POU6F2: variants seen among roughly 807,000 people sequenced by gnomAD.
The protein encoded by POU6F2 is POU class 6 homeobox 2.
Under a neutral mutation model 71.3 loss-of-function variants are expected in POU6F2, and 31 were observed. That is an observed-to-expected ratio of 0.43 (90% confidence interval 0.33 to 0.59). The LOEUF is 0.59. Among genes scored for constraint, POU6F2 ranks in the 20% least tolerant of loss-of-function variants. The pLI, the probability that POU6F2 is intolerant of heterozygous loss-of-function variation, is 0.04. For synonymous variants in POU6F2, 347 were observed against 355.7 expected (o/e 0.98, Z 0.27); for missense variants, 783 against 856.8 (o/e 0.91, Z 1.07).
chr7:39,048,415 A>G (rs1374988900), intron 1 of POU6F2, among the ~76,000 whole-genome samples: 1 of 151,212 alleles, frequency 6.6e-6, no homozygotes, highest in African/African-American at 2.4e-5. Flanking sequence ...CTTTGTGTCT[A>G]TGTGTTCTAA....
At chr7:39,326,328 T>A (rs1583526154) in intron 4 of POU6F2, among the ~76,000 whole-genome samples, 1 of 152,216 alleles carries the variant, frequency 6.6e-6, no homozygotes, top group East Asian at 1.9e-4. Context: ...CCAAGGAGAG[T>A]CCCATTGTTT....
intron 5 of POU6F2, among the ~76,000 whole-genome samples, chr7:39,404,315 A>G (rs777234731): frequency 9.2e-5 from 14 of 152,228 alleles, no homozygotes; most frequent in African/African-American, 1.7e-4. Context: ...GCATGGGACT[A>G]TATCTGAACA....
Position 39,464,337 on chromosome 7 carries a change from C to T in POU6F2, c.1814C>T (p.Pro605Leu), listed in dbSNP as rs764000404. Residue 605 changes from proline (P) to leucine (L), a missense_variant, in exon 10 of 10, where the codon CCG becomes CTG. By Grantham distance (98) the Pro-to-Leu change is moderately conservative. Transcript: ENST00000518318. This position sits in a 1 kb window ranked among gnomAD's most constrained non-coding sequence, Gnocchi z 4.1. ...ITPKSAQKIK[P>L]VLERWMAEAE... ...CCTAAAAGTGCCCAGAAGATCAAGC[C>T]GGTGCTTGAGCGGTGGATGGCTGAG... is the stretch of plus-strand genomic sequence containing the variant. 6 of 1,614,032 alleles carry T rather than the reference C, an allele frequency of 3.7e-6. No homozygotes were observed. The highest frequency in any genetic ancestry group is 2.2e-5 in the East Asian group (1 of 44,888).
At chr7:39,209,408 T>G (rs1232935209) in intron 4 of POU6F2, among the ~76,000 whole-genome samples, 5 of 152,214 alleles carry the variant, frequency 3.3e-5, no homozygotes, top group African/African-American at 1.2e-4. Context: ...AGCTCTTGTC[T>G]GCTACACAAG....
intron 8 of POU6F2, among the ~76,000 whole-genome samples, chr7:39,452,044 A>C (rs1674976979): frequency 1.3e-5 from 2 of 152,232 alleles, no homozygotes; most frequent in South Asian, 2.1e-4. Flanking sequence ...TCACAACTGA[A>C]ATAACCAACA....
At chr7:39,094,360 A>G (rs949500156) in intron 2 of POU6F2, among the ~76,000 whole-genome samples, 26 of 152,172 alleles carry the variant, frequency 1.7e-4, no homozygotes, top group African/African-American at 5.5e-4. Flanking sequence ...GGGAATCTAA[A>G]TATTTGTCTA....
At chr7:39,384,940 A>G (rs761864456) in intron 5 of POU6F2, among the ~76,000 whole-genome samples, 5 of 152,212 alleles carry the variant, frequency 3.3e-5, no homozygotes, top group Admixed American at 6.5e-5. Flanking sequence ...ATAAATTTTG[A>G]TCAAATAATA....
At chr7:39,136,674 G>A (rs1271637314) in intron 2 of POU6F2, among the ~76,000 whole-genome samples, 1 of 152,116 alleles carries the variant, frequency 6.6e-6, no homozygotes, top group Non-Finnish European at 1.5e-5. Flanking sequence ...TTAGAAGGAT[G>A]TAATCCATAG....
At chr7:39,269,650 T>C (rs1784308832) in intron 4 of POU6F2, among the ~76,000 whole-genome samples, 2 of 152,222 alleles carry the variant, frequency 1.3e-5, no homozygotes, top group Admixed American at 1.3e-4. Flanking sequence ...TTTTTAGAGT[T>C]TGAGGCAGGA....
At chr7:39,330,536 T>C (rs1785620908) in intron 4 of POU6F2, among the ~76,000 whole-genome samples, 1 of 152,218 alleles carries the variant, frequency 6.6e-6, no homozygotes, top group African/African-American at 2.4e-5. Context: ...GACTTTAATA[T>C]GGCTACCTTA....
chr7:39,429,119 A>C (rs1405580561), intron 6 of POU6F2, among the ~76,000 whole-genome samples: 9 of 4,762 alleles, frequency 1.9e-3, no homozygotes, highest in Non-Finnish European at 2.8e-3. Flanking sequence ...TAATAATAAT[A>C]AAAAAAAAAA....
chr7:39,115,436 C>T (rs1791909069), intron 2 of POU6F2, among the ~76,000 whole-genome samples: 2 of 152,156 alleles, frequency 1.3e-5, no homozygotes, highest in Admixed American at 1.3e-4. Flanking sequence ...ACAAGGTTGA[C>T]TTCTCTCAGG....
At chr7:39,328,888 T>C (rs1785577506) in intron 4 of POU6F2, 1 of 152,262 alleles carries the variant, frequency 6.6e-6, no homozygotes, top group African/African-American at 2.4e-5. Flanking sequence ...GCTTCTGTGA[T>C]GCCGTCTTTC....
chr7:39,002,837 C>A (rs1173470064), intron 1 of POU6F2, among the ~76,000 whole-genome samples: 1 of 152,214 alleles, frequency 6.6e-6, no homozygotes, highest in African/African-American at 2.4e-5. Flanking sequence ...TCCTCTCTTC[C>A]TTTTCCTCCC....
At chr7:39,342,663 T>C (rs1055767635) in intron 5 of POU6F2, among the ~76,000 whole-genome samples, 4 of 152,198 alleles carry the variant, frequency 2.6e-5, no homozygotes, top group African/African-American at 9.7e-5. Context: ...TGCTCCCATA[T>C]CTTTAGAAAA....
intron 1 of POU6F2, among the ~76,000 whole-genome samples, chr7:38,986,886 A>G (rs146926295): frequency 1.1e-4 from 16 of 152,284 alleles, no homozygotes; most frequent in African/African-American, 3.1e-4. Context: ...TTACTTTTAC[A>G]TATAAAAAAT....
chr7:39,345,885 A>C lies in POU6F2; in HGVS notation c.972+5870A>C, dbSNP rs146870444. Among the ~76,000 whole-genome samples, 11 of 152,358 alleles carry C rather than the reference A, an allele frequency of 7.2e-5. No homozygotes were observed. In the East Asian group the frequency reaches 2.1e-3, roughly 29 times the overall value. ...TGTTAAGCAAATGTTGATTAGCCTA[A>C]AGATATAAAAGAGTATGAATTTATT... On this transcript the variant is annotated intron_variant, in intron 5 of 9. Coordinates refer to ENST00000518318, the MANE Select transcript of POU6F2 (RefSeq NM_001370959.1).
intron 1 of POU6F2, among the ~76,000 whole-genome samples, chr7:39,016,023 TTATATATA>T (rs1562671184): frequency 0.13 from 9,693 of 76,336 alleles, 2,158 homozygotes; most frequent in Non-Finnish European, 0.17. Flanking sequence ...ATTATATATA[TTATATATA>T]GATATATATT....
chr7:39,178,280 A>C (rs1793369970), intron 2 of POU6F2, among the ~76,000 whole-genome samples: 1 of 152,108 alleles, frequency 6.6e-6, no homozygotes, highest in African/African-American at 2.4e-5. Context: ...AACTTTCTTC[A>C]GATATAAACA....
Sources: allele counts gnomAD v4.1 joint callset (sites outside exome capture counted in the v4.1 genomes callset), GRCh38; gene constraint gnomAD v4.1.1; non-coding constraint Gnocchi (gnomAD v3.1); transcripts MANE v1.5; gene names NCBI Gene and HGNC (gene_info 2026-07-23, HGNC 2026-07-21).